The following FBXO4 variants were observed in gnomAD, a reference collection of about 807,000 sequenced individuals.
FBXO4 encodes the protein F-box protein 4, also known as F-box only protein 4.
A neutral mutation model predicts 43.7 loss-of-function variants in FBXO4; 36 were observed. The ratio of observed to expected loss-of-function variants is 0.82; its 90% confidence interval spans 0.63 to 1.09. The LOEUF (loss-of-function observed/expected upper bound fraction) is 1.09. Among genes scored for constraint, FBXO4 ranks in the 50% least tolerant of loss-of-function variants. The probability of loss-of-function intolerance (pLI) is 0.00; values close to 1 mark genes in which losing one functional copy is unlikely to be tolerated. For missense variants in FBXO4, 435 were observed against 474.1 expected, an observed-to-expected ratio of 0.92 and a Z score of 0.77; for synonymous variants, 180 against 165.6, an observed-to-expected ratio of 1.09 and a Z score of -0.67.
chr5:42,021,099 T>A, the FBXO4 span, among the ~76,000 whole-genome samples: 2 of 151,878 alleles, frequency 1.3e-5, no homozygotes, highest in Non-Finnish European at 2.9e-5. Flanking sequence ...CTAAGTGGAG[T>A]ATAAGAGTTT....
the FBXO4 span, among the ~76,000 whole-genome samples, chr5:41,991,733 A>G: frequency 6.6e-6 from 1 of 152,238 alleles, no homozygotes; most frequent in Admixed American, 6.5e-5. Context: ...CTGTAGAGGT[A>G]TTTAAGAACT....
the FBXO4 span, chr5:41,951,500 G>T: frequency 4.0e-6 from 1 of 250,872 alleles, no homozygotes; most frequent in Admixed American, 5.3e-5. Context: ...CTCAGGTGCT[G>T]AAGAAGTCTG....
the FBXO4 span, among the ~76,000 whole-genome samples, chr5:42,026,928 G>A: frequency 6.6e-6 from 1 of 151,838 alleles, no homozygotes; most frequent in Non-Finnish European, 1.5e-5. Context: ...TCTTTCTAAT[G>A]TATTTTTCAA....
rs60238550 is a variant in FBXO4, at chr5:41,939,834, ATTTTTTTTTTTTTTTT to A, written c.1074+233_1074+248del. On this transcript the variant is annotated intron_variant, in intron 6 of 6. Transcript: ENST00000281623. Reference sequence around the variant, plus strand: ...TCATACAGTGAGATAACAATTGGGGATTTTTTTTTTTTTTTTTTTTTTTTTTTTTTGTTGAGACAGG... The same window carrying A: ...TCATACAGTGAGATAACAATTGGGGATTTTTTTTTTTTTTGTTGAGACAGG... 3.1e-3 allele frequency among the ~76,000 whole-genome samples: 243 copies of A among 79,330 alleles called. 2 individuals are homozygous for A. Among genetic ancestry groups the A allele is most frequent in the Non-Finnish European group, 4.0e-3 (170 of 41,998 alleles). 52.0% of individuals were successfully genotyped at this position (79,330 alleles called of 152,430 possible).
the FBXO4 span, among the ~76,000 whole-genome samples, chr5:42,006,296 T>C: frequency 3.9e-5 from 6 of 152,124 alleles, no homozygotes; most frequent in Non-Finnish European, 8.8e-5. Flanking sequence ...GTTTATTTTC[T>C]ATTATCTTAA....
At chr5:42,034,406 G>C in the FBXO4 span, among the ~76,000 whole-genome samples, 11 of 152,098 alleles carry the variant, frequency 7.2e-5, no homozygotes, top group Admixed American at 5.9e-4. Context: ...TGTTGCAATT[G>C]CTTTTGACAT....
At chr5:41,992,544 T>C in the FBXO4 span, among the ~76,000 whole-genome samples, 7,946 of 152,220 alleles carry the variant, frequency 0.052, 713 homozygotes, top group African/African-American at 0.18. Flanking sequence ...CTGAGTTCTA[T>C]TGTGGAAGGC....
chr5:41,928,620 C>T (rs906668431), intron 2 of FBXO4: 18 of 152,586 alleles, frequency 1.2e-4, no homozygotes, highest in African/African-American at 4.3e-4. Context: ...AGGCGTGAGC[C>T]ACTGCGCCCG....
chr5:41,999,482 T>TATATATATACAC, the FBXO4 span, among the ~76,000 whole-genome samples: 1 of 10,088 alleles, frequency 9.9e-5, no homozygotes, highest in South Asian at 2.5e-3. Context: ...TATATACACA[T>TATATATATACAC]ATATATATAT....
the FBXO4 span, among the ~76,000 whole-genome samples, chr5:41,982,679 A>C: frequency 6.6e-6 from 1 of 152,126 alleles, no homozygotes; most frequent in Non-Finnish European, 1.5e-5. Context: ...TCTTTGTGAT[A>C]ATTGATATAG....
At chr5:41,941,018 G>T (rs1198831500) in intron 6 of FBXO4, among the ~76,000 whole-genome samples, 174 bp from the exon 7 acceptor site, 1 of 152,114 alleles carries the variant, frequency 6.6e-6, no homozygotes, top group Non-Finnish European at 1.5e-5. Flanking sequence ...CAAGAGAGAT[G>T]ATCATATTTT....
chr5:42,026,646 A>C, the FBXO4 span, among the ~76,000 whole-genome samples: 1 of 151,896 alleles, frequency 6.6e-6, no homozygotes, highest in Non-Finnish European at 1.5e-5. Context: ...TCTGGATCTT[A>C]GATGAAAGGA....
the FBXO4 span, among the ~76,000 whole-genome samples, chr5:41,949,790 C>A: frequency 6.6e-6 from 1 of 152,154 alleles, no homozygotes; most frequent in Non-Finnish European, 1.5e-5. Context: ...AAGCTGGAAG[C>A]ATCATGCTAC....
the FBXO4 span, among the ~76,000 whole-genome samples, chr5:42,018,429 G>A: frequency 3.9e-5 from 6 of 152,072 alleles, no homozygotes; most frequent in Admixed American, 2.0e-4. Flanking sequence ...TGTACTTAGG[G>A]AATAACATGA....
the FBXO4 span, among the ~76,000 whole-genome samples, chr5:41,994,483 T>C: frequency 2.0e-5 from 3 of 152,176 alleles, no homozygotes; most frequent in Non-Finnish European, 4.4e-5. Context: ...GGTCGTGGTT[T>C]TTTTCCTGAT....
At chr5:41,978,610 C>CT in the FBXO4 span, among the ~76,000 whole-genome samples, 1 of 152,124 alleles carries the variant, frequency 6.6e-6, no homozygotes, top group Non-Finnish European at 1.5e-5. Flanking sequence ...GTTTAACCTA[C>CT]TAAACTTCAA....
chr5:41,965,244 T>C, the FBXO4 span, among the ~76,000 whole-genome samples: 1 of 152,200 alleles, frequency 6.6e-6, no homozygotes, highest in African/African-American at 2.4e-5. Context: ...TTGATCTATA[T>C]CTCTGTTTTG....
At chr5:42,027,266 T>G in the FBXO4 span, among the ~76,000 whole-genome samples, 1 of 151,842 alleles carries the variant, frequency 6.6e-6, no homozygotes, top group Non-Finnish European at 1.5e-5. Context: ...TCTTCCTAGT[T>G]CAATTGGTAG....
chr5:41,991,385 T>G, the FBXO4 span, among the ~76,000 whole-genome samples: 1 of 152,232 alleles, frequency 6.6e-6, no homozygotes, highest in East Asian at 1.9e-4. Context: ...GCTGATGATA[T>G]CGTCCTCAGA....
Sources: allele counts gnomAD v4.1 joint callset (sites outside exome capture counted in the v4.1 genomes callset), GRCh38; gene constraint gnomAD v4.1.1; transcripts MANE v1.5; gene names NCBI Gene and HGNC (gene_info 2026-07-23, HGNC 2026-07-21).